PCDHGA11: variants seen among roughly 807,000 people sequenced by gnomAD.
The protein encoded by PCDHGA11 is protocadherin gamma subfamily A, 11.
PCDHGA11 carries 39 observed loss-of-function variants against 60.4 expected under a neutral mutation model. The observed-to-expected ratio is 0.65, with a 90% CI of 0.50 to 0.84. The LOEUF (loss-of-function observed/expected upper bound fraction) is 0.84. Among genes scored for constraint, PCDHGA11 ranks in the 40% least tolerant of loss-of-function variants. The pLI, the probability that PCDHGA11 is intolerant of heterozygous loss-of-function variation, is 0.00. For missense variants in PCDHGA11, 1,165 were observed against 1,197.7 expected (o/e 0.97, Z 0.40); for synonymous variants, 533 against 510.3 (o/e 1.04, Z -0.60).
Position 141,511,015 on chromosome 5 carries a change from C to A in PCDHGA11, c.2650C>A (p.Pro884Thr). Residue 884 changes from proline (P) to threonine (T), a missense_variant, in exon 4 of 4, where the codon CCC becomes ACC. Coordinates refer to ENST00000398587, the MANE Select transcript of PCDHGA11 (RefSeq NM_018914.3). ...GTMGLSARYG[P>T]QFTLQHVPDY... ...CATGGGATTGAGCGCCCGCTACGGA[C>A]CCCAGTTCACCCTGCAGCACGTGCC... 6.2e-7 allele frequency: 1 copy of A among 1,614,224 alleles called. No individual in the cohort carries two copies. The highest frequency in any genetic ancestry group is 8.5e-7 in the Non-Finnish European group (1 of 1,180,038).
At chr5:141,453,552 A>G (rs1005017830) in intron 1 of PCDHGA11, among the ~76,000 whole-genome samples, 2 of 152,188 alleles carry the variant, frequency 1.3e-5, no homozygotes, top group Non-Finnish European at 2.9e-5. Flanking sequence ...CACACTCTGT[A>G]GATAATCGAT....
intron 1 of PCDHGA11, among the ~76,000 whole-genome samples, chr5:141,456,843 A>G (rs2098891742): frequency 6.6e-6 from 1 of 152,030 alleles, no homozygotes. Context: ...GGCGCCTGTA[A>G]TCCCAGCTAA....
Position 141,489,629 on chromosome 5 carries a change from C to G in PCDHGA11, c.2434-5178C>G. 6.2e-7 allele frequency: 1 copy of G among 1,614,142 alleles called. No individual in the cohort carries two copies. The highest frequency in any genetic ancestry group is 8.5e-7 in the Non-Finnish European group (1 of 1,180,014). On this transcript the variant is annotated intron_variant, in intron 1 of 3. Coordinates refer to ENST00000398587, the MANE Select transcript of PCDHGA11 (RefSeq NM_018914.3). The surrounding 1 kb of genome is among the most constrained non-coding windows in gnomAD (Gnocchi z 4.5). Reference sequence around the variant, plus strand: ...GAGATCCTGGATCTCAATGACAACTCTCCTAGCTTTGCCACCCCTGAGCGA... The same window carrying G: ...GAGATCCTGGATCTCAATGACAACTGTCCTAGCTTTGCCACCCCTGAGCGA...
chr5:141,498,967 GGGAGGGAAGGAAGGAA>G (rs1333462541), intron 2 of PCDHGA11, among the ~76,000 whole-genome samples: 8 of 129,672 alleles, frequency 6.2e-5, no homozygotes, highest in East Asian at 2.2e-4. Context: ...GAGGGAGGGA[GGGAGGGAAGGAAGGAA>G]GGAAGGAAGG....
chr5:141,433,062 T>G (rs1371087184), intron 1 of PCDHGA11: 1 of 1,614,074 alleles, frequency 6.2e-7, no homozygotes, highest in Non-Finnish European at 8.5e-7. Context: ...AAGAGTCACC[T>G]GATCTTCCCC....
At chr5:141,430,781 C>T (rs559701152) in intron 1 of PCDHGA11, 6 of 1,510,922 alleles carry the variant, frequency 4.0e-6, no homozygotes, top group South Asian at 2.7e-5. Context: ...GCGACTGCAC[C>T]GGGACTACAA....
chr5:141,475,297 T>C lies in PCDHGA11; in HGVS notation c.2434-19510T>C, dbSNP rs187277570. Among the ~76,000 whole-genome samples the C allele has an allele frequency of 6.5e-4, 99 of 152,360 alleles. 2 individuals are homozygous for C. Among genetic ancestry groups the C allele is most frequent in the African/African-American group, 2.3e-3 (96 of 41,586 alleles). ...TGAAAGACAGGGTAGGGAAATTTCT[T>C]ATTGCTCCCTGGTTCTTAAGAAATG... On this transcript the variant is annotated intron_variant, in intron 1 of 3. Transcript: ENST00000398587.
At position 141,511,241 on chromosome 5, in the gene PCDHGA11, C is replaced by T; in HGVS notation, c.*68C>T. On this transcript the variant is annotated 3_prime_UTR_variant, in exon 4 of 4. Transcript: ENST00000398587. ...CCAGCCCAGCTTCTCCTTACCTGCA[C>T]CCAGGCCTCAGAGTTTCAGGGCTAA... The T allele has an allele frequency of 2.5e-6, 4 of 1,585,214 alleles. No individual in the cohort carries two copies. Among genetic ancestry groups the T allele is most frequent in the Non-Finnish European group, 3.4e-6 (4 of 1,165,762 alleles).
chr5:141,476,455 G>C lies in PCDHGA11; in HGVS notation c.2434-18352G>C, dbSNP rs572682842. On this transcript the variant is annotated intron_variant, in intron 1 of 3. Transcript: ENST00000398587. The surrounding 1 kb of genome is among the most constrained non-coding windows in gnomAD (Gnocchi z 7.6). ...CTGTAACTCTGGAGTTGGTAGTGGA[G>C]AACCCGCTGGAGCTGTTCAGCGTGG... 22 of 1,614,152 alleles carry C rather than the reference G, an allele frequency of 1.4e-5. No homozygotes were observed. In the South Asian group the frequency reaches 2.4e-4, roughly 18 times the overall value.
chr5:141,457,504 A>G (rs2098922754), intron 1 of PCDHGA11, among the ~76,000 whole-genome samples: 1 of 152,222 alleles, frequency 6.6e-6, no homozygotes, highest in Non-Finnish European at 1.5e-5. Context: ...GTAGGCAAAA[A>G]GCTTAAAAAC....
intron 1 of PCDHGA11, among the ~76,000 whole-genome samples, chr5:141,425,585 A>G (rs1270579511): frequency 6.6e-6 from 1 of 152,252 alleles, no homozygotes; most frequent in African/African-American, 2.4e-5. Flanking sequence ...GGCTAACTTT[A>G]TTCTGAATAT....
intron 3 of PCDHGA11, among the ~76,000 whole-genome samples, chr5:141,509,338 C>T (rs2099876319): frequency 6.6e-6 from 1 of 152,188 alleles, no homozygotes; most frequent in Admixed American, 6.5e-5. Flanking sequence ...CCAGCTGGGC[C>T]TGGGCTGGCC....
Position 141,477,286 on chromosome 5 carries a change from A to G in PCDHGA11, c.2434-17521A>G, listed in dbSNP as rs1367207950. 1.9e-6 allele frequency: 3 copies of G among 1,614,194 alleles called. No individual in the cohort carries two copies. Among genetic ancestry groups the G allele is most frequent in the Non-Finnish European group, 8.5e-7 (1 of 1,180,034 alleles). ...GCGAGAACGGGCTGGTGACCTGCGA[A>G]GTTCCACCGGGTCTCCCTTTCAGCC... On this transcript the variant is annotated intron_variant, in intron 1 of 3. Coordinates refer to ENST00000398587, the MANE Select transcript of PCDHGA11 (RefSeq NM_018914.3). The surrounding 1 kb of genome is among the most constrained non-coding windows in gnomAD (Gnocchi z 4.9).
chr5:141,484,709 C>G (rs1223957454), intron 1 of PCDHGA11, among the ~76,000 whole-genome samples: 1 of 151,072 alleles, frequency 6.6e-6, no homozygotes, highest in Non-Finnish European at 1.5e-5. Context: ...TTTTCCCCGC[C>G]GAAAAGGGGC....
chr5:141,492,091 C>G (rs930375969), intron 1 of PCDHGA11, among the ~76,000 whole-genome samples: 5 of 152,242 alleles, frequency 3.3e-5, no homozygotes, highest in Non-Finnish European at 5.9e-5. Flanking sequence ...CACGCTTCGC[C>G]GGTCTGTAGA....
chr5:141,478,414 C>T, intron 1 of PCDHGA11: 1 of 1,613,630 alleles, frequency 6.2e-7, no homozygotes, highest in Non-Finnish European at 8.5e-7. Context: ...CCACGGACTC[C>T]CGCCGCAGCG....
intron 1 of PCDHGA11, among the ~76,000 whole-genome samples, chr5:141,475,285 A>G (rs2099361212): frequency 6.6e-6 from 1 of 152,244 alleles, no homozygotes; most frequent in Non-Finnish European, 1.5e-5. Context: ...AAGACAGGGT[A>G]GGGAAATTTC....
At position 141,491,884 on chromosome 5, in the gene PCDHGA11, G is replaced by A. The variant is rs745931108; in HGVS notation, c.2434-2923G>A. The A allele has an allele frequency of 2.8e-6, 4 of 1,446,372 alleles. No homozygotes were observed. The highest frequency in any genetic ancestry group is 2.9e-5 in the Admixed American group (1 of 34,718). 89.6% of individuals were successfully genotyped at this position (1,446,372 alleles called of 1,614,324 possible). ...AACCAGAGTGGCCGATTAAGGGATG[G>A]GGCTCCGAGCACCGGGGGTGGTGGC... On this transcript the variant is annotated intron_variant, in intron 1 of 3. Coordinates refer to ENST00000398587, the MANE Select transcript of PCDHGA11 (RefSeq NM_018914.3). This position sits in a 1 kb window ranked among gnomAD's most constrained non-coding sequence, Gnocchi z 6.9.
intron 1 of PCDHGA11, among the ~76,000 whole-genome samples, chr5:141,464,934 G>T (rs1353581045): frequency 1.3e-5 from 2 of 151,416 alleles, no homozygotes; most frequent in African/African-American, 4.8e-5. Flanking sequence ...GAGATGTGAG[G>T]TCTCACTATG....
Sources: allele counts gnomAD v4.1 joint callset (sites outside exome capture counted in the v4.1 genomes callset), GRCh38; gene constraint gnomAD v4.1.1; non-coding constraint Gnocchi (gnomAD v3.1); transcripts MANE v1.5; gene names NCBI Gene and HGNC (gene_info 2026-07-23, HGNC 2026-07-21).